SLC24A4: variants seen among roughly 807,000 people sequenced by gnomAD.
SLC24A4 encodes solute carrier family 24 member 4.
In SLC24A4, 53 loss-of-function variants were observed where a neutral mutation model predicts 79.0. The observed-to-expected ratio is 0.67, with a 90% CI of 0.54 to 0.84. The LOEUF (loss-of-function observed/expected upper bound fraction) is 0.84, where lower values mean the gene tolerates loss of function less well. Among genes scored for constraint, SLC24A4 ranks in the 40% least tolerant of loss-of-function variants. The probability of loss-of-function intolerance (pLI) is 0.00; values close to 1 mark genes in which losing one functional copy is unlikely to be tolerated. For synonymous variants in SLC24A4, 323 were observed against 323.8 expected (o/e 1.00, Z 0.03); for missense variants, 731 against 822.0 (o/e 0.89, Z 1.35).
chr14:92,426,065 A>G (rs902556120), intron 2 of SLC24A4, among the ~76,000 whole-genome samples: 2 of 152,174 alleles, frequency 1.3e-5, no homozygotes, highest in Middle Eastern at 3.2e-3. Flanking sequence ...CAGGATCTTC[A>G]GCATCAGGGC....
chr14:92,462,896 GACAAC>G (rs1326498598), intron 12 of SLC24A4: 1 of 152,242 alleles, frequency 6.6e-6, no homozygotes, highest in African/African-American at 2.4e-5. Context: ...GTGCTTAGGG[GACAAC>G]ACTACCACCC....
chr14:92,447,277 C>A, intron 8 of SLC24A4, 94 bp from the exon 9 acceptor site: 2 of 1,124,390 alleles, frequency 1.8e-6, no homozygotes, highest in Non-Finnish European at 1.3e-6. Flanking sequence ...GAGGTAAAGA[C>A]ATCCCGCCCT....
intron 13 of SLC24A4, among the ~76,000 whole-genome samples, chr14:92,483,101 T>G (rs1430515306): frequency 6.6e-6 from 1 of 152,160 alleles, no homozygotes; most frequent in Non-Finnish European, 1.5e-5. Context: ...ACAGGCAGCC[T>G]AAATCACACT....
intron 2 of SLC24A4, among the ~76,000 whole-genome samples, chr14:92,366,430 C>T (rs1887843872): frequency 6.6e-6 from 1 of 152,202 alleles, no homozygotes; most frequent in African/African-American, 2.4e-5. Context: ...TAGCCTCGTT[C>T]AGCCAGGCGG....
At chr14:92,372,927 C>CCTT (rs1566721994) in intron 2 of SLC24A4, among the ~76,000 whole-genome samples, 5 of 85,312 alleles carry the variant, frequency 5.9e-5, no homozygotes, top group Admixed American at 3.8e-4. Flanking sequence ...CTTTCTTTCT[C>CCTT]TTTCTTTCTT....
intron 2 of SLC24A4, among the ~76,000 whole-genome samples, chr14:92,326,423 G>GACC (rs1252777076): frequency 6.6e-6 from 1 of 152,136 alleles, no homozygotes; most frequent in Admixed American, 6.5e-5. Context: ...CTGCAGGGGT[G>GACC]GGACACTCTG....
intron 2 of SLC24A4, among the ~76,000 whole-genome samples, chr14:92,432,130 T>A (rs977963487): frequency 1.3e-5 from 2 of 152,034 alleles, no homozygotes; most frequent in Non-Finnish European, 2.9e-5. Context: ...GACCACTGTC[T>A]TTGCTGGCAA....
At chr14:92,420,046 C>G (rs1355709672) in intron 2 of SLC24A4, among the ~76,000 whole-genome samples, 1 of 152,142 alleles carries the variant, frequency 6.6e-6, no homozygotes, top group Non-Finnish European at 1.5e-5. Flanking sequence ...GATCTGGGCC[C>G]ACAAACCAAG....
At chr14:92,446,589 T>G (rs1261489419) in intron 8 of SLC24A4, among the ~76,000 whole-genome samples, 1 of 152,158 alleles carries the variant, frequency 6.6e-6, no homozygotes, top group Non-Finnish European at 1.5e-5. Flanking sequence ...CTCTGAACTC[T>G]TGGGTTTCAT....
chr14:92,438,403 A>C (rs1361457007), intron 3 of SLC24A4, among the ~76,000 whole-genome samples: 1 of 152,088 alleles, frequency 6.6e-6, no homozygotes, highest in African/African-American at 2.4e-5. Flanking sequence ...CAGGAGTTCA[A>C]AACCAGCCTG....
intron 2 of SLC24A4, among the ~76,000 whole-genome samples, chr14:92,427,862 G>T (rs975417754): frequency 6.6e-6 from 1 of 152,192 alleles, no homozygotes; most frequent in Non-Finnish European, 1.5e-5. Flanking sequence ...AGGTGACTGG[G>T]TCATAGAGGT....
rs1275633590 is a variant in SLC24A4 at position 92,453,898 on chromosome 14, A to G, written c.881-2A>G. 1 of 1,608,700 alleles carries G rather than the reference A, an allele frequency of 6.2e-7. No individual in the cohort carries two copies. On this transcript the variant is annotated splice_acceptor_variant, in intron 10 of 16. Coordinates refer to ENST00000532405, the MANE Select transcript of SLC24A4 (RefSeq NM_153646.4). LOFTEE classifies it high-confidence loss of function. ...CACTAATCACGGTGTTGCGCTCAAC[A>G]GTGAAGGAGAAGCCACAGTATGGCA...
chr14:92,390,885 T>A (rs1889422875), intron 2 of SLC24A4, among the ~76,000 whole-genome samples: 1 of 152,248 alleles, frequency 6.6e-6, no homozygotes, highest in African/African-American at 2.4e-5. Context: ...AATAAAGGTT[T>A]ACGCCTCATT....
At chr14:92,482,309 AGTTGGGATT>A (rs1895106639) in intron 12 of SLC24A4, among the ~76,000 whole-genome samples, 1 of 152,230 alleles carries the variant, frequency 6.6e-6, no homozygotes, top group African/African-American at 2.4e-5. Flanking sequence ...GAGGAAGTAG[AGTTGGGATT>A]CTCAAGGTCC....
chr14:92,501,279 T>C lies in SLC24A4; in HGVS notation c.*7651T>C, dbSNP rs1896150316. On this transcript the variant is annotated 3_prime_UTR_variant, in exon 17 of 17. Transcript: ENST00000532405. ...CCTGCACTGTGAATGCTCTGTGACA[T>C]GAGATTCTTAGTTTAATAAAACTGT... The C allele has an allele frequency of 6.6e-6, 1 of 152,238 alleles. No individual in the cohort carries two copies. 9.4% of individuals were successfully genotyped at this position (152,238 alleles called of 1,614,324 possible). A position where few individuals can be genotyped will look rare whatever the true frequency, so the allele number is the denominator to read the frequency against.
chr14:92,325,810 T>G, intron 1 of SLC24A4, 58 bp from the exon 2 acceptor site: 1 of 1,044,514 alleles, frequency 9.6e-7, no homozygotes, highest in African/African-American at 1.6e-5. Flanking sequence ...TAAGGTCATT[T>G]TGGAAACGCA....
intron 12 of SLC24A4, among the ~76,000 whole-genome samples, chr14:92,464,480 C>T (rs957742157): frequency 6.6e-5 from 10 of 152,110 alleles, no homozygotes; most frequent in Admixed American, 2.6e-4. Context: ...AACAGATCTT[C>T]GCATGCCAGC....
Position 92,353,308 on chromosome 14 carries a change from A to G in SLC24A4, c.241+27330A>G, listed in dbSNP as rs980990018. 6.4e-4 allele frequency among the ~76,000 whole-genome samples: 98 copies of G among 152,194 alleles called. 1 individual carries two copies. The highest frequency in any genetic ancestry group is 9.7e-5 in the African/African-American group (4 of 41,436). On this transcript the variant is annotated intron_variant, in intron 2 of 16. Coordinates refer to ENST00000532405, the MANE Select transcript of SLC24A4 (RefSeq NM_153646.4). The surrounding 1 kb of genome is among the most constrained non-coding windows in gnomAD (Gnocchi z 4.1). ...CCTTTAATCATCTACATAGTATTCT[A>G]TTGTGCGGATGTGCTATGATCTATT...
rs1469953789 is a variant in SLC24A4 at position 92,440,712 on chromosome 14, G to C, written c.393+1303G>C. 2.0e-5 allele frequency among the ~76,000 whole-genome samples: 3 copies of C among 152,096 alleles called. No homozygotes were observed. The East Asian group carries it at 5.8e-4, about 30-fold the overall frequency. ...TCTGTAGGTAAGACCAATGTCAAGG[G>C]CTTAGTGAGAGACATTAAAGGACAG... On this transcript the variant is annotated intron_variant, in intron 4 of 16. Transcript: ENST00000532405.
Sources: gnomAD v4.1 joint callset for allele counts (sites outside exome capture counted in the v4.1 genomes callset) on GRCh38, gnomAD v4.1.1 for gene constraint, Gnocchi (gnomAD v3.1) non-coding constraint, MANE v1.5 for transcripts, NCBI Gene and HGNC (gene_info 2026-07-23, HGNC 2026-07-21) for gene names.